VMP1: variants seen among roughly 807,000 people sequenced by gnomAD.
The protein encoded by VMP1 is vacuole membrane protein 1.
Under a neutral mutation model 56.0 loss-of-function variants are expected in VMP1, and 11 were observed. The ratio of observed to expected loss-of-function variants is 0.20; its 90% CI spans 0.12 to 0.32. The LOEUF is 0.32. Ranked by LOEUF, VMP1 falls within the 10% of genes least tolerant of loss-of-function variation. VMP1 has a pLI of 1.00. For synonymous variants in VMP1, 149 were observed against 165.0 expected (o/e 0.90, Z 0.74); for missense variants, 296 against 490.3 (o/e 0.60, Z 3.74).
intron 5 of VMP1, among the ~76,000 whole-genome samples, chr17:59,755,530 A>G (rs1011117086): frequency 2.6e-5 from 4 of 152,160 alleles, no homozygotes; most frequent in African/African-American, 4.8e-5. Context: ...TTGGCCAGCA[A>G]TTTTATATTT....
At chr17:59,785,272 G>T (rs568182236) in intron 7 of VMP1, among the ~76,000 whole-genome samples, 72 of 152,324 alleles carry the variant, frequency 4.7e-4, no homozygotes, top group African/African-American at 1.6e-3. Context: ...CTTTCTCACA[G>T]TGTTAGGTTG....
At chr17:59,765,215 T>A in intron 6 of VMP1, 77 bp downstream of exon 6, 1 of 1,453,202 alleles carries the variant, frequency 6.9e-7, no homozygotes, top group Non-Finnish European at 9.3e-7. Context: ...TGAAATGGAA[T>A]CTAAACATAT....
In VMP1 at chr17:59,731,534, T is replaced by C. The variant is rs777388676; in HGVS notation, c.76+12T>C. ...TGGAAATTTCACAGGTAAATTTTGATGGTTTGCAGGGAGGAGTGCTATGGG... is the reference window on the plus strand; with the variant it reads ...TGGAAATTTCACAGGTAAATTTTGACGGTTTGCAGGGAGGAGTGCTATGGG... On this transcript the variant is annotated intron_variant, in intron 2 of 11. Coordinates refer to ENST00000262291, the MANE Select transcript of VMP1 (RefSeq NM_030938.5). The C allele has an allele frequency of 1.3e-6, 2 of 1,573,322 alleles. No homozygotes were observed. The highest frequency in any genetic ancestry group is 1.7e-6 in the Non-Finnish European group (2 of 1,164,042).
intron 7 of VMP1, among the ~76,000 whole-genome samples, chr17:59,806,266 A>G (rs534511949): frequency 3.0e-4 from 45 of 152,308 alleles, no homozygotes; most frequent in African/African-American, 1.0e-3. Context: ...AAAATAAGCT[A>G]TATAGGAAAA....
intron 10 of VMP1, among the ~76,000 whole-genome samples, chr17:59,827,935 A>C (rs1240334756): frequency 2.6e-5 from 4 of 151,254 alleles, no homozygotes; most frequent in East Asian, 1.9e-4. Flanking sequence ...TCCTGTTCCC[A>C]AAAAAAAGCT....
chr17:59,734,550 T>A (rs2034947685), intron 2 of VMP1, among the ~76,000 whole-genome samples: 1 of 152,148 alleles, frequency 6.6e-6, no homozygotes, highest in Non-Finnish European at 1.5e-5. Flanking sequence ...CCAGGCAACG[T>A]AGTGAGACTG....
chr17:59,774,745 GA>G (rs1192978182), intron 7 of VMP1, among the ~76,000 whole-genome samples: 1 of 151,918 alleles, frequency 6.6e-6, no homozygotes, highest in African/African-American at 2.4e-5. Context: ...TGCAGTGATA[GA>G]AACATAGCTT....
intron 10 of VMP1, chr17:59,833,939 G>A (rs2038894896): frequency 6.6e-6 from 1 of 151,990 alleles, no homozygotes; most frequent in Admixed American, 6.6e-5. Context: ...AGATTTAAAT[G>A]ACAATTTACA....
Position 59,793,575 on chromosome 17 carries a change from A to G in VMP1, c.715-15221A>G, listed in dbSNP as rs770055074. 2.0e-4 allele frequency among the ~76,000 whole-genome samples: 23 copies of G among 116,492 alleles called. 8 individuals are homozygous for G. Among genetic ancestry groups the G allele is most frequent in the East Asian group, 7.2e-4 (3 of 4,156 alleles). 76.4% of individuals were successfully genotyped at this position (116,492 alleles called of 152,430 possible). A position where few individuals can be genotyped will look rare whatever the true frequency, so the allele number is the denominator to read the frequency against. On this transcript the variant is annotated intron_variant, in intron 7 of 11. Coordinates refer to ENST00000262291, the MANE Select transcript of VMP1 (RefSeq NM_030938.5). ...AGTTTGAGTGGATGCCAGCTGCCTA[A>G]GAATTACCATGTTTGTGCGTGTGTG... is the stretch of plus-strand genomic sequence containing the variant.
chr17:59,794,848 A>G (rs1191244411), intron 7 of VMP1, among the ~76,000 whole-genome samples: 4 of 151,920 alleles, frequency 2.6e-5, no homozygotes, highest in Admixed American at 2.0e-4. Context: ...ATTAGTAATC[A>G]TAGTGAAATA....
intron 1 of VMP1, among the ~76,000 whole-genome samples, chr17:59,708,477 T>A (rs2033774954): frequency 6.6e-6 from 1 of 152,196 alleles, no homozygotes; most frequent in Non-Finnish European, 1.5e-5. Context: ...TCCAGAAGAT[T>A]TTACACAATC....
intron 7 of VMP1, among the ~76,000 whole-genome samples, chr17:59,777,189 T>G (rs2036646385): frequency 6.6e-6 from 1 of 152,240 alleles, no homozygotes; most frequent in Non-Finnish European, 1.5e-5. Context: ...ATTTCTTGTC[T>G]TCCTCTTTCT....
At chr17:59,758,625 G>A (rs932261480) in intron 5 of VMP1, among the ~76,000 whole-genome samples, 11 of 151,800 alleles carry the variant, frequency 7.2e-5, no homozygotes, top group African/African-American at 2.7e-4. Context: ...AGGAGTTTGA[G>A]ACTAGCCTGG....
chr17:59,735,934 G>C (rs1229141186), intron 3 of VMP1, among the ~76,000 whole-genome samples: 1 of 152,148 alleles, frequency 6.6e-6, no homozygotes, highest in Non-Finnish European at 1.5e-5. Flanking sequence ...CCTGTTTCAA[G>C]TACCATAAAG....
At chr17:59,785,952 A>C (rs1404401840) in intron 7 of VMP1, among the ~76,000 whole-genome samples, 2 of 152,152 alleles carry the variant, frequency 1.3e-5, no homozygotes, top group Non-Finnish European at 2.9e-5. Flanking sequence ...TAAATCCCCA[A>C]ATTAAGTTTT....
intron 6 of VMP1, 42 bp from the exon 7 acceptor site, chr17:59,773,712 G>T: frequency 6.5e-7 from 1 of 1,547,030 alleles, no homozygotes; most frequent in South Asian, 1.3e-5. Flanking sequence ...TGTCACTGTT[G>T]ATAACAGAAC....
chr17:59,808,787 T>C lies in VMP1; in HGVS notation c.715-9T>C, dbSNP rs745553102. On this transcript the variant is annotated splice_polypyrimidine_tract_variant and intron_variant, in intron 7 of 11. Coordinates refer to ENST00000262291, the MANE Select transcript of VMP1 (RefSeq NM_030938.5). ...TCTCATTAATGTTTCTAAATTTGCC[T>C]TTTTACAGGACTTTGCCTCCCGGGC... 3 of 1,611,846 alleles carry C rather than the reference T, an allele frequency of 1.9e-6. No homozygotes were observed. The highest frequency in any genetic ancestry group is 2.5e-6 in the Non-Finnish European group (3 of 1,179,162).
intron 7 of VMP1, among the ~76,000 whole-genome samples, chr17:59,785,924 T>TA (rs2036992352): frequency 6.6e-6 from 1 of 152,168 alleles, no homozygotes; most frequent in Non-Finnish European, 1.5e-5. Context: ...AATTGCTACC[T>TA]ACTCTGTATG....
intron 8 of VMP1, among the ~76,000 whole-genome samples, chr17:59,809,311 T>C (rs2037963465): frequency 9.0e-6 from 1 of 111,162 alleles, no homozygotes; most frequent in East Asian, 2.6e-4. Context: ...CAACTTTTTT[T>C]TTTTTTTTTT....
Sources: allele counts gnomAD v4.1 joint callset (sites outside exome capture counted in the v4.1 genomes callset), GRCh38; gene constraint gnomAD v4.1.1; transcripts MANE v1.5; gene names NCBI Gene and HGNC (gene_info 2026-07-23, HGNC 2026-07-21).